The following PPP1R12A variants were observed in gnomAD, a reference collection of about 807,000 sequenced individuals.
PPP1R12A encodes protein phosphatase 1 regulatory subunit 12A.
PPP1R12A carries 19 observed loss-of-function variants against 139.6 expected under a neutral mutation model. The ratio of observed to expected loss-of-function variants is 0.14; its 90% CI spans 0.09 to 0.20. PPP1R12A has a LOEUF of 0.20. Among genes scored for constraint, PPP1R12A ranks in the 10% least tolerant of loss-of-function variants. The pLI, the probability that PPP1R12A is intolerant of heterozygous loss-of-function variation, is 1.00. For synonymous variants in PPP1R12A, 427 were observed against 420.6 expected (o/e 1.02, Z -0.19); for missense variants, 925 against 1,211.5 (o/e 0.76, Z 3.51).
chr12:79,860,319 G>C (rs916441755), intron 2 of PPP1R12A, among the ~76,000 whole-genome samples: 5 of 151,878 alleles, frequency 3.3e-5, no homozygotes, highest in African/African-American at 1.2e-4. Context: ...AAAAATAAGG[G>C]ACAACTCTAA....
At chr12:79,820,712 A>G in intron 8 of PPP1R12A, 62 bp downstream of exon 8, 1 of 1,563,978 alleles carries the variant, frequency 6.4e-7, no homozygotes, top group Non-Finnish European at 8.7e-7. Flanking sequence ...ATTACGTCTC[A>G]TCTTGTCTTA....
At chr12:79,915,052 C>G (rs954405832) in intron 1 of PPP1R12A, among the ~76,000 whole-genome samples, 1 of 152,074 alleles carries the variant, frequency 6.6e-6, no homozygotes, top group Non-Finnish European at 1.5e-5. Context: ...AATATATGCA[C>G]AAAATCCTTC....
chr12:79,907,026 A>C (rs946665101), intron 1 of PPP1R12A, among the ~76,000 whole-genome samples: 2 of 152,096 alleles, frequency 1.3e-5, no homozygotes, highest in South Asian at 2.1e-4. Flanking sequence ...TCCATGCATA[A>C]ATTTTTTAAT....
intron 1 of PPP1R12A, among the ~76,000 whole-genome samples, chr12:79,932,914 C>T (rs771589867): frequency 3.5e-4 from 53 of 152,124 alleles, no homozygotes; most frequent in Middle Eastern, 3.2e-3. Flanking sequence ...CATATTGATG[C>T]GAACCATTAT....
intron 9 of PPP1R12A, among the ~76,000 whole-genome samples, chr12:79,814,502 G>GAAAAA (rs1875043894): frequency 2.0e-4 from 8 of 39,090 alleles, no homozygotes; most frequent in South Asian, 1.8e-3. Context: ...AAAAAAAAAG[G>GAAAAA]ACTCCCCCTC....
chr12:79,795,842 A>T, intron 17 of PPP1R12A, 83 bp from the exon 18 acceptor site: 1 of 1,409,580 alleles, frequency 7.1e-7, no homozygotes, highest in Non-Finnish European at 9.8e-7. Flanking sequence ...AATGGGTAAA[A>T]TGGGCCAGGG....
At chr12:79,816,611 C>G (rs1875421231) in intron 9 of PPP1R12A, among the ~76,000 whole-genome samples, 1 of 152,032 alleles carries the variant, frequency 6.6e-6, no homozygotes, top group African/African-American at 2.4e-5. Flanking sequence ...AACACACTAA[C>G]TGGAAAACAC....
At chr12:79,788,517 C>T in intron 21 of PPP1R12A, 131 bp downstream of exon 21, 1 of 831,028 alleles carries the variant, frequency 1.2e-6, no homozygotes, top group African/African-American at 1.7e-5. Context: ...ACTTAACCAT[C>T]ACTTGCCGAA....
At chr12:79,849,649 G>A (rs1879818493) in intron 2 of PPP1R12A, among the ~76,000 whole-genome samples, 1 of 152,098 alleles carries the variant, frequency 6.6e-6, no homozygotes, top group South Asian at 2.1e-4. Flanking sequence ...TTTCACACAG[G>A]TGTTCCAAAC....
At chr12:79,929,351 A>T (rs1205527981) in intron 1 of PPP1R12A, among the ~76,000 whole-genome samples, 1 of 152,166 alleles carries the variant, frequency 6.6e-6, no homozygotes, top group Non-Finnish European at 1.5e-5. Flanking sequence ...GCTCTAGAGG[A>T]TCTAGCTCAG....
chr12:79,935,328 C>A, upstream of PPP1R12A: 1 of 1,029,726 alleles, frequency 9.7e-7, no homozygotes, highest in Non-Finnish European at 1.2e-6. Context: ...CGGGTGTGGC[C>A]CAGGCAGCGG....
intron 3 of PPP1R12A, among the ~76,000 whole-genome samples, chr12:79,834,819 C>A (rs1268545124): frequency 2.0e-5 from 3 of 152,150 alleles, no homozygotes; most frequent in African/African-American, 4.8e-5. Context: ...CTATTTGCTG[C>A]CTGTCTTGTT....
intron 21 of PPP1R12A, 33 bp downstream of exon 21, chr12:79,788,615 T>C: frequency 1.3e-6 from 2 of 1,545,146 alleles, no homozygotes; most frequent in African/African-American, 2.8e-5. Flanking sequence ...AAAAGATAAC[T>C]TTTTATTAAA....
At chr12:79,885,222 T>C (rs1379467945) in intron 1 of PPP1R12A, among the ~76,000 whole-genome samples, 1 of 152,098 alleles carries the variant, frequency 6.6e-6, no homozygotes, top group Non-Finnish European at 1.5e-5. Context: ...TAAACTCCCA[T>C]CTTGTGTGCC....
chr12:79,928,898 A>G (rs928348185), intron 1 of PPP1R12A, among the ~76,000 whole-genome samples: 1 of 152,252 alleles, frequency 6.6e-6, no homozygotes, highest in African/African-American at 2.4e-5. Context: ...AGGATTTCAT[A>G]TTAAACCTAT....
intron 24 of PPP1R12A, among the ~76,000 whole-genome samples, chr12:79,776,786 T>C (rs1869782844): frequency 6.6e-6 from 1 of 152,134 alleles, no homozygotes; most frequent in Admixed American, 6.6e-5. Context: ...TAAGGATGAT[T>C]AAAACTGTAT....
intron 4 of PPP1R12A, among the ~76,000 whole-genome samples, chr12:79,830,974 C>G (rs956071166): frequency 9.9e-5 from 15 of 152,036 alleles, no homozygotes; most frequent in Admixed American, 7.9e-4. Context: ...CCTGATCCCC[C>G]CTAAGAACTA....
chr12:79,895,885 C>T lies in PPP1R12A; in HGVS notation c.238-22947G>A, dbSNP rs141533200. 1.2e-3 allele frequency among the ~76,000 whole-genome samples: 189 copies of T among 152,206 alleles called. 4 individuals are homozygous for T. In the East Asian group the frequency reaches 0.035, roughly 28 times the overall value. The stretch of plus-strand genomic sequence containing the variant: ...TCAATGTGAAAACAAAATAATACAG[C>T]AAATGCTGTATTTTGTAGGAGCTCA... On this transcript the variant is annotated intron_variant, in intron 1 of 24. Transcript: ENST00000450142.
chr12:79,843,858 C>T (rs1879072843), intron 3 of PPP1R12A, among the ~76,000 whole-genome samples: 1 of 151,622 alleles, frequency 6.6e-6, no homozygotes, highest in African/African-American at 2.4e-5. Context: ...GCGCCCACCA[C>T]CACGCCCAGC....
Sources: allele counts gnomAD v4.1 joint callset (sites outside exome capture counted in the v4.1 genomes callset), GRCh38; gene constraint gnomAD v4.1.1; transcripts MANE v1.5; gene names NCBI Gene and HGNC (gene_info 2026-07-23, HGNC 2026-07-21).